INSC: variants seen among roughly 807,000 people sequenced by gnomAD.
INSC encodes the protein protein inscuteable homolog.
A neutral mutation model predicts 58.6 loss-of-function variants in INSC; 67 were observed. The observed-to-expected ratio is 1.14, with a 90% CI of 0.94 to 1.40. INSC has a LOEUF of 1.40. Ranked by LOEUF, INSC falls within the 40% of genes most tolerant of loss-of-function variation. INSC has a pLI of 0.00. For missense variants in INSC, 714 were observed against 692.0 expected (o/e 1.03, Z -0.36); for synonymous variants, 262 against 276.1 (o/e 0.95, Z 0.51).
intron 1 of INSC, among the ~76,000 whole-genome samples, chr11:15,116,872 TC>T (rs1847724313): frequency 2.2e-5 from 1 of 45,860 alleles, no homozygotes; most frequent in African/African-American, 1.0e-4. Context: ...TCTCTCTCTC[TC>T]TCTCCCCCTC....
At chr11:15,124,433 A>G (rs911110787) in intron 1 of INSC, among the ~76,000 whole-genome samples, 1 of 152,176 alleles carries the variant, frequency 6.6e-6, no homozygotes, top group African/African-American at 2.4e-5. Flanking sequence ...ATTCAGGTAG[A>G]TATAAGATAG....
chr11:15,231,051 G>A (rs969306674), intron 9 of INSC, among the ~76,000 whole-genome samples: 4 of 152,168 alleles, frequency 2.6e-5, no homozygotes, highest in Non-Finnish European at 5.9e-5. Flanking sequence ...TGGGCCCTGG[G>A]CCATGTCTGC....
chr11:15,233,660 C>T (rs973010978), intron 9 of INSC, among the ~76,000 whole-genome samples: 5 of 152,170 alleles, frequency 3.3e-5, no homozygotes, highest in African/African-American at 4.8e-5. Context: ...AACCCGTTGC[C>T]GCAGACAAAG....
intron 7 of INSC, among the ~76,000 whole-genome samples, chr11:15,207,654 G>C (rs573120438): frequency 1.3e-5 from 2 of 152,312 alleles, no homozygotes; most frequent in Non-Finnish European, 2.9e-5. Flanking sequence ...AGCGGGAATG[G>C]TGGGGAGGCT....
At chr11:15,127,987 T>TC (rs1292422093) in intron 1 of INSC, among the ~76,000 whole-genome samples, 1 of 151,342 alleles carries the variant, frequency 6.6e-6, no homozygotes, top group African/African-American at 2.4e-5. Context: ...AGGGCGAGAC[T>TC]CCATCTCAAA....
intron 1 of INSC, among the ~76,000 whole-genome samples, chr11:15,116,453 A>C (rs1590320075): frequency 1.3e-5 from 2 of 151,874 alleles, no homozygotes; most frequent in African/African-American, 2.4e-5. Flanking sequence ...CCTTTCTTCC[A>C]GTGGTTATCT....
chr11:15,209,648 G>A (rs1850943572), intron 7 of INSC, among the ~76,000 whole-genome samples: 1 of 151,980 alleles, frequency 6.6e-6, no homozygotes, highest in South Asian at 2.1e-4. Context: ...TCAGGGAAGT[G>A]GTTTGCACAC....
intron 5 of INSC, among the ~76,000 whole-genome samples, chr11:15,179,287 C>T (rs1339033643): frequency 2.6e-5 from 4 of 152,174 alleles, no homozygotes; most frequent in Non-Finnish European, 4.4e-5. Context: ...ATTTTAAAAA[C>T]CTCCCAGTAA....
the INSC span, among the ~76,000 whole-genome samples, chr11:15,266,110 A>G: frequency 6.6e-6 from 1 of 151,960 alleles, no homozygotes; most frequent in Admixed American, 6.6e-5. Flanking sequence ...AAATCTCAAA[A>G]TGCTTCTTAG....
At chr11:15,160,325 T>C (rs1848974329) in intron 2 of INSC, among the ~76,000 whole-genome samples, 1 of 152,064 alleles carries the variant, frequency 6.6e-6, no homozygotes, top group Non-Finnish European at 1.5e-5. Context: ...GTGCAAAGCC[T>C]GGGAGGCTGG....
At chr11:15,268,274 A>G in the INSC span, among the ~76,000 whole-genome samples, 1 of 152,076 alleles carries the variant, frequency 6.6e-6, no homozygotes, top group East Asian at 1.9e-4. Context: ...CCAAAGCAGA[A>G]GTTGCCCTTC....
intron 8 of INSC, among the ~76,000 whole-genome samples, chr11:15,223,661 A>T (rs572131866): frequency 6.6e-6 from 1 of 152,340 alleles, no homozygotes; most frequent in South Asian, 2.1e-4. Flanking sequence ...AAGGAATCTT[A>T]CAGCAAAGTG....
At chr11:15,243,832 C>T (rs890155375) in intron 12 of INSC, among the ~76,000 whole-genome samples, 3 of 151,752 alleles carry the variant, frequency 2.0e-5, no homozygotes, top group Admixed American at 6.6e-5. Flanking sequence ...CCCTACCTCT[C>T]TCCTATTATC....
intron 1 of INSC, among the ~76,000 whole-genome samples, chr11:15,145,461 C>T (rs144087622): frequency 1.3e-5 from 2 of 152,156 alleles, no homozygotes; most frequent in African/African-American, 4.8e-5. Flanking sequence ...TTCTTCAAGT[C>T]TGCTCAACAG....
At chr11:15,203,819 T>A (rs1226681032) in intron 7 of INSC, among the ~76,000 whole-genome samples, 3 of 87,028 alleles carry the variant, frequency 3.4e-5, no homozygotes, top group East Asian at 4.9e-3. Flanking sequence ...GAGCTAAGAA[T>A]GATTTTTTTT....
chr11:15,267,304 G>C, the INSC span, among the ~76,000 whole-genome samples: 2 of 152,018 alleles, frequency 1.3e-5, no homozygotes, highest in South Asian at 2.1e-4. Context: ...TAAGCAATTA[G>C]GTTATAATAT....
At chr11:15,234,614 T>C (rs1442332083) in intron 9 of INSC, among the ~76,000 whole-genome samples, 1 of 152,220 alleles carries the variant, frequency 6.6e-6, no homozygotes, top group Non-Finnish European at 1.5e-5. Flanking sequence ...AGAGAGAGGC[T>C]TGTACCAGTG....
the INSC span, among the ~76,000 whole-genome samples, chr11:15,261,356 T>A: frequency 6.6e-6 from 1 of 152,232 alleles, no homozygotes; most frequent in Non-Finnish European, 1.5e-5. Flanking sequence ...CTTTCTTATA[T>A]CAGAGCTGAT....
chr11:15,184,087 C>G (rs1238168756), intron 5 of INSC, among the ~76,000 whole-genome samples: 1 of 151,978 alleles, frequency 6.6e-6, no homozygotes, highest in Non-Finnish European at 1.5e-5. Context: ...TTTAATGATT[C>G]CCTAAAGACA....
Sources: allele counts gnomAD v4.1 joint callset (sites outside exome capture counted in the v4.1 genomes callset), GRCh38; gene constraint gnomAD v4.1.1; transcripts MANE v1.5; gene names NCBI Gene and HGNC (gene_info 2026-07-23, HGNC 2026-07-21).